Variants in ZNF658 observed in about 807,000 individuals in gnomAD.
ZNF658 encodes the protein zinc finger protein 658.
A neutral mutation model predicts 78.0 loss-of-function variants in ZNF658; 46 were observed. The ratio of observed to expected loss-of-function variants is 0.59; its 90% CI spans 0.47 to 0.75. The LOEUF is 0.75. Ranked by LOEUF, ZNF658 falls within the 30% of genes least tolerant of loss-of-function variation. The probability of loss-of-function intolerance (pLI) is 0.00; values close to 1 mark genes in which losing one functional copy is unlikely to be tolerated. For missense variants in ZNF658, 785 were observed against 1,189.3 expected (o/e 0.66, Z 5.00); for synonymous variants, 279 against 408.4 (o/e 0.68, Z 3.82).
downstream of ZNF658, among the ~76,000 whole-genome samples, chr9:66,923,905 T>C (rs1822561054): frequency 8.4e-6 from 1 of 118,364 alleles, no homozygotes; most frequent in Non-Finnish European, 1.7e-5. Context: ...TCCTAGCACT[T>C]TGGGAGGCTG....
intron 2 of ZNF658, among the ~76,000 whole-genome samples, chr9:66,904,705 G>A (rs1822033191): frequency 1.3e-5 from 2 of 152,138 alleles, no homozygotes; most frequent in African/African-American, 4.8e-5. Context: ...GATTCCCTCT[G>A]AGCCCCAAAC....
At chr9:66,917,319 A>G (rs1822358862) in intron 4 of ZNF658, among the ~76,000 whole-genome samples, 1 of 148,466 alleles carries the variant, frequency 6.7e-6, no homozygotes, top group African/African-American at 2.5e-5. Flanking sequence ...CGGAAATAAT[A>G]CCTGTTTTAT....
chr9:66,920,869 T>C lies in ZNF658; in HGVS notation c.*123T>C, dbSNP rs994599224. ...CATAGTTTGTGGAAAAATCCCAATA[T>C]GCCGTTTATTCAGGTGGGGCTGACC... is the stretch of plus-strand genomic sequence containing the variant. On this transcript the variant is annotated 3_prime_UTR_variant, in exon 5 of 5. Coordinates refer to ENST00000621410, the MANE Select transcript of ZNF658 (RefSeq NM_033160.7). 18 of 710,932 alleles carry C rather than the reference T, an allele frequency of 2.5e-5. No individual in the cohort carries two copies. The highest frequency in any genetic ancestry group is 4.3e-5 in the Non-Finnish European group (17 of 397,802). The allele number at this position is 710,932 out of a possible 1,614,324, so 44.0% of individuals were successfully genotyped here.
Position 66,918,576 on chromosome 9 carries a change from G to A in ZNF658, c.1010G>A (p.Ser337Asn). 1.2e-6 allele frequency: 2 copies of A among 1,608,754 alleles called. No individual in the cohort carries two copies. The highest frequency in any genetic ancestry group is 1.7e-5 in the Admixed American group (1 of 59,866). The part of the protein sequence containing the change: ...SNKCEENFSQ[S>N]SAHIVHQKTQ... ...AAATGTGAAGAAAATTTTAGCCAGAGCTCAGCCCATATAGTACATCAGAAA... is the reference window on the plus strand; with the variant it reads ...AAATGTGAAGAAAATTTTAGCCAGAACTCAGCCCATATAGTACATCAGAAA... The change falls in exon 5 of 5, where the codon AGC becomes AAC. Residue 337 changes from serine (S) to asparagine (N), a missense_variant. By Grantham distance (46) the Ser-to-Asn change is conservative (BLOSUM62 1). Around this residue, in one of 12 missense-constraint regions of ZNF658, gnomAD observed 393 missense variants for 400.2 expected, o/e 0.98. Transcript: ENST00000621410.
rs185849674 is a variant in ZNF658 at position 66,930,685 on chromosome 9, A to C, written c.*55-1340A>C. The stretch of plus-strand genomic sequence containing the variant: ...GAGCAAGACTCCGTCTCAAAAAAAA[A>C]ATGGAATTTTCTCACATTTTTTCAA... On this transcript the variant is annotated intron_variant and NMD_transcript_variant, in intron 6 of 6. Coordinates refer to the ZNF658 transcript ENST00000622180. Among the ~76,000 whole-genome samples the C allele has an allele frequency of 5.9e-5, 9 of 152,244 alleles. No homozygotes were observed. In the East Asian group the frequency reaches 1.7e-3, roughly 29 times the overall value.
In ZNF658 at chr9:66,920,947, A is replaced by T; in HGVS notation, c.*201A>T. On this transcript the variant is annotated 3_prime_UTR_variant, in exon 5 of 5. Coordinates refer to ENST00000621410, the MANE Select transcript of ZNF658 (RefSeq NM_033160.7). ...TACATTTACCCTTGGCCCTTAAAAA[A>T]AAAAAAGAAAAACCCTCACAGTCTT... The T allele has an allele frequency of 1.5e-6, 1 of 659,212 alleles. No homozygotes were observed. Among genetic ancestry groups the T allele is most frequent in the Non-Finnish European group, 2.7e-6 (1 of 376,848 alleles). The allele number at this position is 659,212 out of a possible 1,614,324, so 40.8% of individuals were successfully genotyped here.
intron 2 of ZNF658, among the ~76,000 whole-genome samples, chr9:66,905,063 C>CTTTT (rs1822044312): frequency 9.0e-5 from 5 of 55,554 alleles, no homozygotes; most frequent in South Asian, 4.8e-4. Context: ...TTCTCTTTTT[C>CTTTT]TTTTCTTTTT....
chr9:66,918,314 A>G lies in ZNF658; in HGVS notation c.748A>G (p.Lys250Glu). ...GTCCTGTAAGGATGATGAATTTAGA[A>G]AAAACTTTGATAAAATCACTTTATT... Reference protein sequence around the residue: ...EKSCKDDEFRKNFDKITLFNH... With the variant: ...EKSCKDDEFRENFDKITLFNH... The change falls in exon 5 of 5, where the codon AAA (lysine) becomes GAA (glutamate). Residue 250 changes from lysine to glutamate, a missense_variant. Lys to Glu is a moderately conservative substitution (Grantham distance 56, BLOSUM62 1). Coordinates refer to ENST00000621410, the MANE Select transcript of ZNF658 (RefSeq NM_033160.7). 1 of 1,613,910 alleles carries G rather than the reference A, an allele frequency of 6.2e-7. No homozygotes were observed. Among genetic ancestry groups the G allele is most frequent in the Non-Finnish European group, 8.5e-7 (1 of 1,179,838 alleles).
At chr9:66,907,321 C>A (rs1270247555) in intron 2 of ZNF658, among the ~76,000 whole-genome samples, 1 of 151,954 alleles carries the variant, frequency 6.6e-6, no homozygotes, top group Non-Finnish European at 1.5e-5. Context: ...ACAGAACTCT[C>A]ACTGAATCTT....
intron 4 of ZNF658, among the ~76,000 whole-genome samples, chr9:66,913,791 G>A (rs575825755): frequency 1.7e-4 from 24 of 142,802 alleles, no homozygotes; most frequent in African/African-American, 5.4e-4. Flanking sequence ...AATGTTTTTG[G>A]AACAGGGAGT....
chr9:66,924,005 G>A (rs1435032296), downstream of ZNF658, among the ~76,000 whole-genome samples: 3 of 149,300 alleles, frequency 2.0e-5, no homozygotes, highest in Admixed American at 2.0e-4. Flanking sequence ...AAAAAAATAA[G>A]CCAGGAATGG....
At position 66,918,845 on chromosome 9, in the gene ZNF658, C is replaced by T. The variant is rs1822420229; in HGVS notation, c.1279C>T (p.Pro427Ser). ...AAAATCCTTTTGTTCAAGTTCACATCCTATTCAGCATCCTGGAACTTATGT... is the reference window on the plus strand; with the variant it reads ...AAAATCCTTTTGTTCAAGTTCACATTCTATTCAGCATCCTGGAACTTATGT... ...CAKSFCSSSH[P>S]IQHPGTYVGF... The change falls in exon 5 of 5, where the codon CCT becomes TCT. Residue 427 changes from proline (P) to serine (S), a missense_variant. By Grantham distance (74) the Pro-to-Ser change is moderately conservative. Transcript: ENST00000621410. The T allele has an allele frequency of 1.2e-6, 2 of 1,606,130 alleles. No individual in the cohort carries two copies. The highest frequency in any genetic ancestry group is 1.7e-6 in the Non-Finnish European group (2 of 1,173,910).
In ZNF658 at chr9:66,908,331, A is replaced by G. The variant is rs757361744; in HGVS notation, c.109A>G (p.Met37Val). ...PVERTLYRDV[M>V]LENYSHLISV... ...CGAGAGGACGCTGTACAGAGATGTG[A>G]TGCTGGAGAACTACAGCCACCTCAT... The change falls in exon 3 of 5, where the codon ATG (methionine) becomes GTG (valine). Residue 37 changes from methionine to valine, a missense_variant. Coordinates refer to ENST00000621410, the MANE Select transcript of ZNF658 (RefSeq NM_033160.7). 3.1e-6 allele frequency: 5 copies of G among 1,613,970 alleles called. No homozygotes were observed. The African/African-American group carries it at 6.7e-5, about 22-fold the overall frequency.
chr9:66,919,209 G>A lies in ZNF658; in HGVS notation c.1643G>A (p.Cys548Tyr). The A allele has an allele frequency of 1.7e-6, 1 of 571,650 alleles. No individual in the cohort carries two copies. Among genetic ancestry groups the A allele is most frequent in the Non-Finnish European group, 2.8e-6 (1 of 354,100 alleles). The allele number at this position is 571,650 out of a possible 1,614,324, so 35.4% of individuals were successfully genotyped here. A position where few individuals can be genotyped will look rare whatever the true frequency, so the allele number is the denominator to read the frequency against. Residue 548 changes from cysteine (C) to tyrosine (Y), a missense_variant, in exon 5 of 5, where the codon TGT (cysteine) becomes TAT (tyrosine). Physicochemically the swap from Cys to Tyr is radical, Grantham distance 194. Around this residue, in one of 12 missense-constraint regions of ZNF658, gnomAD observed 393 missense variants for 400.2 expected, o/e 0.98. Coordinates refer to ENST00000621410, the MANE Select transcript of ZNF658 (RefSeq NM_033160.7). The stretch of plus-strand genomic sequence containing the variant: ...CACACAGGTGAAAAACCCTATGAAT[G>A]TGTTGAATGTGAGAAAACTTTCTCT... ...RIHTGEKPYECVECEKTFSHK... is the reference protein window; with the variant it reads ...RIHTGEKPYEYVECEKTFSHK...
At chr9:66,907,160 C>T (rs1163532555) in intron 2 of ZNF658, among the ~76,000 whole-genome samples, 1 of 151,802 alleles carries the variant, frequency 6.6e-6, no homozygotes, top group Non-Finnish European at 1.5e-5. Context: ...TCCCTGTGTG[C>T]TCAAGGAGCT....
intron 4 of ZNF658, among the ~76,000 whole-genome samples, chr9:66,914,917 T>C (rs894846161): frequency 5.9e-5 from 9 of 152,182 alleles, no homozygotes; most frequent in Admixed American, 4.6e-4. Flanking sequence ...AGGCAGGCCT[T>C]ATAAAATGAT....
downstream of ZNF658, among the ~76,000 whole-genome samples, chr9:66,925,626 A>G (rs1194842408): frequency 6.6e-6 from 1 of 152,108 alleles, no homozygotes; most frequent in Non-Finnish European, 1.5e-5. Context: ...AAAGCCTCCG[A>G]CCTGATGACT....
intron 2 of ZNF658, among the ~76,000 whole-genome samples, chr9:66,907,898 AGAATTTACAGT>A (rs1304113511): frequency 6.6e-6 from 1 of 151,466 alleles, no homozygotes; most frequent in Non-Finnish European, 1.5e-5. Flanking sequence ...CTTAGCCCCC[AGAATTTACAGT>A]GATGATGTCC....
At chr9:66,914,853 G>T (rs1362416771) in intron 4 of ZNF658, among the ~76,000 whole-genome samples, 1 of 152,010 alleles carries the variant, frequency 6.6e-6, no homozygotes, top group African/African-American at 2.4e-5. Flanking sequence ...GGGAGATATT[G>T]GTCTGAAAGC....
Sources: allele counts gnomAD v4.1 joint callset (sites outside exome capture counted in the v4.1 genomes callset), GRCh38; gene constraint gnomAD v4.1.1; regional missense constraint gnomAD v4.1.1; transcripts MANE v1.5; gene names NCBI Gene and HGNC (gene_info 2026-07-23, HGNC 2026-07-21).